Variants in TLE4 observed in about 807,000 individuals in gnomAD.
TLE4 encodes the protein transducin-like enhancer protein 4.
A neutral mutation model predicts 92.8 loss-of-function variants in TLE4; 8 were observed. The observed-to-expected ratio is 0.09, with a 90% CI of 0.05 to 0.16. The LOEUF (loss-of-function observed/expected upper bound fraction) is 0.16. Ranked by LOEUF, TLE4 falls within the 10% of genes least tolerant of loss-of-function variation. The probability of loss-of-function intolerance (pLI) is 1.00; values close to 1 mark genes in which losing one functional copy is unlikely to be tolerated. For missense variants in TLE4, 675 were observed against 997.6 expected, an observed-to-expected ratio of 0.68 and a Z score of 4.36; for synonymous variants, 371 against 374.1, an observed-to-expected ratio of 0.99 and a Z score of 0.10.
chr9:79,573,105 C>G (rs1452802147), intron 1 of TLE4, among the ~76,000 whole-genome samples: 2 of 152,060 alleles, frequency 1.3e-5, no homozygotes, highest in East Asian at 1.9e-4. Context: ...TTGCGGTCCC[C>G]GCGCCGCGAC....
intron 8 of TLE4, among the ~76,000 whole-genome samples, chr9:79,682,358 A>G (rs1177632182): frequency 2.0e-5 from 3 of 152,152 alleles, no homozygotes; most frequent in African/African-American, 7.2e-5. Flanking sequence ...TGCCTTTAGG[A>G]AATTCCCCAG....
rs183394571 is a variant in TLE4 at position 79,714,333 on chromosome 9, G to T, written c.1341-4389G>T. Reference sequence around the variant, plus strand: ...TCCTTCCCTTTTATAGCATTACATTGATTTTAATTATATAGAGATATAGAT... The same window carrying T: ...TCCTTCCCTTTTATAGCATTACATTTATTTTAATTATATAGAGATATAGAT... On this transcript the variant is annotated intron_variant, in intron 14 of 19. Transcript: ENST00000376552. Among the ~76,000 whole-genome samples the T allele has an allele frequency of 4.4e-3, 668 of 152,210 alleles. 4 individuals carry two copies. Among genetic ancestry groups the T allele is most frequent in the African/African-American group, 0.015 (608 of 41,514 alleles).
At chr9:79,714,237 A>G (rs140652111) in intron 14 of TLE4, among the ~76,000 whole-genome samples, 1,567 of 152,266 alleles carry the variant, frequency 0.01, 33 homozygotes, top group African/African-American at 0.035. Context: ...TTGCCCAGTA[A>G]TGGCACACTC....
At chr9:79,670,594 A>G (rs2062141613) in intron 8 of TLE4, among the ~76,000 whole-genome samples, 1 of 152,178 alleles carries the variant, frequency 6.6e-6, no homozygotes. Flanking sequence ...AGGTGACTCT[A>G]CATACTCTGT....
At chr9:79,644,018 A>G (rs1388747684) in intron 6 of TLE4, among the ~76,000 whole-genome samples, 1 of 152,084 alleles carries the variant, frequency 6.6e-6, no homozygotes, top group Non-Finnish European at 1.5e-5. Context: ...TTATTTGCCA[A>G]ACACTGTGTG....
chr9:79,593,860 T>C (rs1481725308), intron 4 of TLE4, among the ~76,000 whole-genome samples: 1 of 152,220 alleles, frequency 6.6e-6, no homozygotes, highest in Non-Finnish European at 1.5e-5. Context: ...AAATTATTAT[T>C]GACTTATTGG....
chr9:79,671,379 G>T (rs945624439), intron 8 of TLE4: 5 of 406,070 alleles, frequency 1.2e-5, no homozygotes, highest in African/African-American at 1.0e-4. Context: ...CTCAACGAGT[G>T]GCCCGAGGAC....
At chr9:79,717,718 A>G (rs952676514) in intron 14 of TLE4, among the ~76,000 whole-genome samples, 5 of 152,182 alleles carry the variant, frequency 3.3e-5, no homozygotes, top group African/African-American at 9.7e-5. Flanking sequence ...CGCACCCACA[A>G]TGCTTTCCCT....
chr9:79,653,520 T>C (rs1241718205), intron 7 of TLE4, among the ~76,000 whole-genome samples: 2 of 152,228 alleles, frequency 1.3e-5, no homozygotes, highest in Non-Finnish European at 1.5e-5. Context: ...TAATTTTTAT[T>C]AGTTGATGAC....
At chr9:79,610,321 T>C (rs1256365045) in intron 4 of TLE4, among the ~76,000 whole-genome samples, 1 of 152,006 alleles carries the variant, frequency 6.6e-6, no homozygotes, top group Non-Finnish European at 1.5e-5. Flanking sequence ...TTAGACTCAG[T>C]TTCAAAACAT....
chr9:79,715,248 A>C (rs921602728), intron 14 of TLE4, among the ~76,000 whole-genome samples: 2 of 152,222 alleles, frequency 1.3e-5, no homozygotes, highest in African/African-American at 4.8e-5. Context: ...TTTTCTAATA[A>C]ATTATCATTA....
intron 6 of TLE4, among the ~76,000 whole-genome samples, chr9:79,647,327 A>C (rs2134069044): frequency 1.3e-5 from 2 of 152,316 alleles, no homozygotes; most frequent in South Asian, 4.1e-4. Context: ...GTTTGAGTTC[A>C]TTAATTAGTT....
At chr9:79,673,111 G>A (rs555405985) in intron 8 of TLE4, among the ~76,000 whole-genome samples, 1 of 152,162 alleles carries the variant, frequency 6.6e-6, no homozygotes, top group Non-Finnish European at 1.5e-5. Flanking sequence ...ATGTGCCTTT[G>A]GCTTTCAGGA....
intron 8 of TLE4, among the ~76,000 whole-genome samples, chr9:79,682,920 A>G (rs946960446): frequency 1.3e-5 from 2 of 152,178 alleles, no homozygotes; most frequent in Non-Finnish European, 2.9e-5. Flanking sequence ...AAATGTAGGA[A>G]TACACTACAT....
At chr9:79,595,778 A>G (rs1031934974) in intron 4 of TLE4, among the ~76,000 whole-genome samples, 1 of 151,928 alleles carries the variant, frequency 6.6e-6, no homozygotes, top group Admixed American at 6.6e-5. Context: ...TTAATGCAAA[A>G]CTTGTTTAAA....
At chr9:79,670,837 G>A (rs568682853) in intron 8 of TLE4, among the ~76,000 whole-genome samples, 3 of 151,814 alleles carry the variant, frequency 2.0e-5, no homozygotes, top group African/African-American at 7.2e-5. Context: ...ACATGGGAGT[G>A]GTAAAGTTGC....
In TLE4 at chr9:79,582,672, C is replaced by T. The variant is rs376758677; in HGVS notation, c.252+6495C>T. Among the ~76,000 whole-genome samples the T allele has an allele frequency of 5.9e-4, 59 of 99,216 alleles. 2 individuals are homozygous for T. The South Asian group carries it at 0.016, about 26-fold the overall frequency. The allele number at this position is 99,216 out of a possible 152,430, so 65.1% of individuals were successfully genotyped here. A position where few individuals can be genotyped will look rare whatever the true frequency, so the allele number is the denominator to read the frequency against. ...TTTTTTTTTTGCCTTTGATGTGATT[C>T]GATGGTTTGGTTTACCACTTCTGGA... On this transcript the variant is annotated intron_variant, in intron 4 of 19. Transcript: ENST00000376552.
chr9:79,574,044 C>T lies in TLE4; in HGVS notation c.143+258C>T, dbSNP rs1587553594. On this transcript the variant is annotated intron_variant, in intron 2 of 19. Coordinates refer to ENST00000376552, the MANE Select transcript of TLE4 (RefSeq NM_007005.6). ...AGACTTGGAAAACGCTGAGGCCAAA[C>T]TTTCGATATTGATTTATTGGGGCCG... is the stretch of plus-strand genomic sequence containing the variant. 1.1e-5 allele frequency: 3 copies of T among 272,678 alleles called. No homozygotes were observed. The South Asian group carries it at 4.1e-4, about 37-fold the overall frequency. The allele number at this position is 272,678 out of a possible 1,614,324, so 16.9% of individuals were successfully genotyped here. A position where few individuals can be genotyped will look rare whatever the true frequency, so the allele number is the denominator to read the frequency against.
chr9:79,617,859 C>T (rs553251506), intron 5 of TLE4, among the ~76,000 whole-genome samples: 1 of 151,276 alleles, frequency 6.6e-6, no homozygotes, highest in African/African-American at 2.4e-5. Flanking sequence ...GCTTGTTTCT[C>T]TCTCATGTAA....
Sources: gnomAD v4.1 joint callset for allele counts (sites outside exome capture counted in the v4.1 genomes callset) on GRCh38, gnomAD v4.1.1 for gene constraint, MANE v1.5 for transcripts, NCBI Gene and HGNC (gene_info 2026-07-23, HGNC 2026-07-21) for gene names.